The following EGFR variants were observed in gnomAD, a reference collection of about 807,000 sequenced individuals.
The protein encoded by EGFR is epidermal growth factor receptor, also known as avian erythroblastic leukemia viral (v-erb-b) oncogene homolog.
A neutral mutation model predicts 143.0 loss-of-function variants in EGFR; 58 were observed. That is an observed-to-expected ratio of 0.41 (90% CI 0.33 to 0.50). The LOEUF is 0.50. EGFR is among the 20% of genes least tolerant of loss of function. EGFR has a pLI of 0.39. For synonymous variants in EGFR, 613 were observed against 594.4 expected, an observed-to-expected ratio of 1.03 and a Z score of -0.45; for missense variants, 1,307 against 1,579.0, an observed-to-expected ratio of 0.83 and a Z score of 2.92.
intron 20 of EGFR, among the ~76,000 whole-genome samples, chr7:55,191,156 TG>T (rs1787377065): frequency 6.6e-6 from 1 of 152,044 alleles, no homozygotes; most frequent in Non-Finnish European, 1.5e-5. Flanking sequence ...GGGAGGGTGG[TG>T]TCTTCTAAAA....
rs1158132582 is a variant in EGFR, at chr7:55,192,705, A to G, written c.2626-61A>G. The G allele has an allele frequency of 2.0e-6, 3 of 1,509,308 alleles. No homozygotes were observed. In the East Asian group the frequency reaches 6.8e-5, roughly 34 times the overall value. The allele number at this position is 1,509,308 out of a possible 1,614,324, so 93.5% of individuals were successfully genotyped here. A position where few individuals can be genotyped will look rare whatever the true frequency, so the allele number is the denominator to read the frequency against. ...TCGTAATTAGGTCCAGAGTGAGTTA[A>G]CTTTTTCCAACAGAGGGAAACTAAT... On this transcript the variant is annotated intron_variant, in intron 21 of 27. Transcript: ENST00000275493.
At chr7:55,129,429 G>C (rs902676806) in intron 1 of EGFR, among the ~76,000 whole-genome samples, 2 of 152,220 alleles carry the variant, frequency 1.3e-5, no homozygotes, top group African/African-American at 4.8e-5. Flanking sequence ...ACTGGTTTCA[G>C]CTTAACATAA....
Position 55,166,787 on chromosome 7 carries a change from G to A in EGFR, c.1880+1350G>A, listed in dbSNP as rs545790755. Among the ~76,000 whole-genome samples, 6 of 135,976 alleles carry A rather than the reference G, an allele frequency of 4.4e-5. No individual in the cohort carries two copies. In the South Asian group the frequency reaches 1.8e-3, roughly 42 times the overall value. The allele number at this position is 135,976 out of a possible 152,430, so 89.2% of individuals were successfully genotyped here. ...AGGAGGTGAGAGTCACAATGTTGGT[G>A]GTGTTGGTGGTGGTGGTGGTGAGGA... On this transcript the variant is annotated intron_variant, in intron 15 of 27. Transcript: ENST00000275493.
At chr7:55,123,968 C>T (rs1793369499) in intron 1 of EGFR, among the ~76,000 whole-genome samples, 1 of 152,004 alleles carries the variant, frequency 6.6e-6, no homozygotes, top group Non-Finnish European at 1.5e-5. Flanking sequence ...GTGTTTTATG[C>T]ATCTGTTTGC....
chr7:55,151,597 T>C lies in EGFR; in HGVS notation c.628+235T>C, dbSNP rs6944695. ...CAAATAAGTGAACATCAGCAGGGGC[T>C]GGGCGCGGTGGCTCACCCCTATAAT... On this transcript the variant is annotated intron_variant, in intron 5 of 27. Transcript: ENST00000275493. Among the ~76,000 whole-genome samples, 77,529 of 152,146 alleles carry C rather than the reference T, an allele frequency of 0.51. 19,856 individuals carry two copies. The highest frequency in any genetic ancestry group is 0.55 in the South Asian group (2,668 of 4,818).
intron 15 of EGFR, among the ~76,000 whole-genome samples, chr7:55,168,819 G>A (rs1456466114): frequency 6.6e-6 from 1 of 152,164 alleles, no homozygotes; most frequent in Admixed American, 6.5e-5. Flanking sequence ...ACGGCCAAGT[G>A]TTGATGAGAG....
chr7:55,101,825 A>G (rs1361829601), intron 1 of EGFR, among the ~76,000 whole-genome samples: 1 of 152,166 alleles, frequency 6.6e-6, no homozygotes, highest in African/African-American at 2.4e-5. Context: ...ACAGTTCTCC[A>G]CAGCATACTG....
intron 1 of EGFR, among the ~76,000 whole-genome samples, chr7:55,077,415 A>G (rs1225861985): frequency 6.6e-6 from 1 of 152,204 alleles, no homozygotes; most frequent in Non-Finnish European, 1.5e-5. Context: ...ATCATAGTAC[A>G]ATTTCATCAC....
chr7:55,074,087 T>G (rs1789995474), intron 1 of EGFR, among the ~76,000 whole-genome samples: 1 of 152,210 alleles, frequency 6.6e-6, no homozygotes, highest in Non-Finnish European at 1.5e-5. Context: ...ATTCACCACA[T>G]CTGCCTCGCG....
chr7:55,112,870 G>T (rs1227690489), intron 1 of EGFR, among the ~76,000 whole-genome samples: 1 of 152,218 alleles, frequency 6.6e-6, no homozygotes. Context: ...CAGCCTTACA[G>T]TCAAGTGCCA....
Position 55,173,951 on chromosome 7 carries a change from G to A in EGFR, c.2092G>A (p.Ala698Thr), listed in dbSNP as rs2128953561. The A allele has an allele frequency of 6.2e-7, 1 of 1,614,238 alleles. No homozygotes were observed. Among genetic ancestry groups the A allele is most frequent in the Non-Finnish European group, 8.5e-7 (1 of 1,180,046 alleles). The change falls in exon 18 of 28, where the codon GCT becomes ACT. Residue 698 changes from alanine (A) to threonine (T), a missense_variant. This residue lies in a region of EGFR where 348 missense variants were observed against 451.5 expected (regional missense o/e 0.77). Coordinates refer to ENST00000275493, the MANE Select transcript of EGFR (RefSeq NM_005228.5). ...GGAGCCTCTTACACCCAGTGGAGAA[G>A]CTCCCAACCAAGCTCTCTTGAGGAT... ...LVEPLTPSGE[A>T]PNQALLRILK...
In EGFR at chr7:55,210,555, A is replaced by C. The variant is rs1023991293; in HGVS notation, c.*4938A>C. On this transcript the variant is annotated 3_prime_UTR_variant, in exon 28 of 28. Coordinates refer to ENST00000275493, the MANE Select transcript of EGFR (RefSeq NM_005228.5). ...AGAACTACTGGCCTAGGGATTAGCC[A>C]CAAGGACATGGACTTGGAGGCAAAT... 3.0e-4 allele frequency: 45 copies of C among 152,226 alleles called. No homozygotes were observed. The highest frequency in any genetic ancestry group is 1.0e-3 in the African/African-American group (43 of 41,464). 9.4% of individuals were successfully genotyped at this position (152,226 alleles called of 1,614,324 possible).
At chr7:55,166,405 G>T (rs1046798642) in intron 15 of EGFR, 1 of 527,322 alleles carries the variant, frequency 1.9e-6, no homozygotes, top group Non-Finnish European at 3.7e-6. Context: ...TTGGGCAAGG[G>T]TCTTACCTTC....
At chr7:55,170,277 A>G (rs367687287) in intron 15 of EGFR, 198 of 1,613,882 alleles carry the variant, frequency 1.2e-4, no homozygotes, top group Non-Finnish European at 1.6e-4. Context: ...CCTCTCACAT[A>G]TTGAAATGTA....
chr7:55,058,175 C>G (rs1489009018), intron 1 of EGFR, among the ~76,000 whole-genome samples: 1 of 152,196 alleles, frequency 6.6e-6, no homozygotes, highest in African/African-American at 2.4e-5. Flanking sequence ...GCGGGTGGAT[C>G]ACGAGGTCAG....
At chr7:55,144,584 T>C (rs1794653978) in intron 3 of EGFR, among the ~76,000 whole-genome samples, 1 of 152,176 alleles carries the variant, frequency 6.6e-6, no homozygotes, top group Admixed American at 6.5e-5. Flanking sequence ...AGCCAGCACC[T>C]CTGGTCATGG....
intron 1 of EGFR, among the ~76,000 whole-genome samples, chr7:55,020,559 T>TCACACAC (rs373934648): frequency 2.8e-5 from 4 of 145,152 alleles, no homozygotes; most frequent in Non-Finnish European, 6.1e-5. Context: ...AAACCTGTCT[T>TCACACAC]ACACACACAC....
intron 1 of EGFR, among the ~76,000 whole-genome samples, chr7:55,123,687 G>T (rs1461969894): frequency 6.6e-6 from 1 of 152,080 alleles, no homozygotes; most frequent in Non-Finnish European, 1.5e-5. Context: ...TCATGGATAT[G>T]AATGTCAATT....
At chr7:55,116,787 T>C (rs116933364) in intron 1 of EGFR, among the ~76,000 whole-genome samples, 150 of 152,356 alleles carry the variant, frequency 9.8e-4, no homozygotes, top group Non-Finnish European at 1.9e-3. Flanking sequence ...GTTCTTTCAC[T>C]CAACATTATG....
Sources: allele counts gnomAD v4.1 joint callset (sites outside exome capture counted in the v4.1 genomes callset), GRCh38; gene constraint gnomAD v4.1.1; regional missense constraint gnomAD v4.1.1; transcripts MANE v1.5; gene names NCBI Gene and HGNC (gene_info 2026-07-23, HGNC 2026-07-21).